NELL1: variants seen among roughly 807,000 people sequenced by gnomAD.
The protein encoded by NELL1 is neural EGFL like 1.
A neutral mutation model predicts 107.4 loss-of-function variants in NELL1; 76 were observed. That is an observed-to-expected ratio of 0.71 (90% CI 0.59 to 0.86). NELL1 has a LOEUF of 0.86. NELL1 is among the 40% of genes least tolerant of loss of function. The pLI, the probability that NELL1 is intolerant of heterozygous loss-of-function variation, is 0.00. For synonymous variants in NELL1, 353 were observed against 341.2 expected (o/e 1.03, Z -0.38); for missense variants, 1,024 against 1,005.5 (o/e 1.02, Z -0.25).
chr11:21,290,061 G>A (rs922349635), intron 14 of NELL1, among the ~76,000 whole-genome samples: 2 of 152,154 alleles, frequency 1.3e-5, no homozygotes, highest in Non-Finnish European at 2.9e-5. Flanking sequence ...ATCTGTGGGT[G>A]CAGCTTAAGC....
chr11:21,159,901 C>T lies in NELL1; in HGVS notation c.1426+46187C>T, dbSNP rs577196156. Among the ~76,000 whole-genome samples the T allele has an allele frequency of 1.6e-4, 25 of 152,330 alleles. 1 individual carries two copies. The South Asian group carries it at 5.0e-3, about 30-fold the overall frequency. On this transcript the variant is annotated intron_variant, in intron 13 of 19. Transcript: ENST00000357134. The stretch of plus-strand genomic sequence containing the variant: ...TCAGTTTTAGGATTCAGACCTTCTT[C>T]ATCTGTTCTATTTAGCTGTGACCAA...
chr11:20,954,437 A>G (rs2134206786), intron 11 of NELL1, among the ~76,000 whole-genome samples: 1 of 152,318 alleles, frequency 6.6e-6, no homozygotes, highest in South Asian at 2.1e-4. Flanking sequence ...CTTCTCTGAA[A>G]CACTATGACA....
chr11:20,948,093 A>C (rs1851000338), intron 11 of NELL1, among the ~76,000 whole-genome samples: 2 of 152,052 alleles, frequency 1.3e-5, no homozygotes, highest in Non-Finnish European at 2.9e-5. Flanking sequence ...CTCAGGCTGG[A>C]GAGCAGTGGT....
intron 3 of NELL1, among the ~76,000 whole-genome samples, chr11:20,825,777 T>TG (rs1857868023): frequency 6.6e-6 from 1 of 151,178 alleles, no homozygotes; most frequent in South Asian, 2.1e-4. Flanking sequence ...GTTAAGACTT[T>TG]GGGGAACTGT....
intron 2 of NELL1, among the ~76,000 whole-genome samples, chr11:20,726,555 A>G (rs1033164295): frequency 1.3e-5 from 2 of 152,176 alleles, no homozygotes; most frequent in Admixed American, 6.5e-5. Flanking sequence ...TTAAAAAAAA[A>G]ACACTCAATA....
chr11:20,793,147 A>C (rs1478946595), intron 3 of NELL1, among the ~76,000 whole-genome samples: 1 of 152,000 alleles, frequency 6.6e-6, no homozygotes, highest in African/African-American at 2.4e-5. Flanking sequence ...GTCTTGGGGA[A>C]GCTGGAAAAT....
chr11:21,046,755 T>C lies in NELL1; in HGVS notation c.1301-66834T>C, dbSNP rs182616178. 4.6e-4 allele frequency among the ~76,000 whole-genome samples: 70 copies of C among 151,936 alleles called. No individual in the cohort carries two copies. In the East Asian group the frequency reaches 0.013, roughly 29 times the overall value. On this transcript the variant is annotated intron_variant, in intron 12 of 19. Coordinates refer to ENST00000357134, the MANE Select transcript of NELL1 (RefSeq NM_006157.5). ...TCTCACTCTGTCACCCAGGCTGGAG[T>C]GCAGTGGTGTGGTGTGAATACAGCT...
At chr11:21,207,970 A>T (rs998742049) in intron 13 of NELL1, among the ~76,000 whole-genome samples, 1 of 152,204 alleles carries the variant, frequency 6.6e-6, no homozygotes, top group African/African-American at 2.4e-5. Flanking sequence ...TAAAAAGGTT[A>T]CAATAGTGAA....
At chr11:21,480,657 C>T (rs1215976527) in intron 15 of NELL1, among the ~76,000 whole-genome samples, 1 of 152,160 alleles carries the variant, frequency 6.6e-6, no homozygotes, top group Non-Finnish European at 1.5e-5. Flanking sequence ...ATTTAAGCTC[C>T]TCTGCATGTG....
At chr11:21,263,237 G>T (rs971820949) in intron 14 of NELL1, among the ~76,000 whole-genome samples, 1 of 151,778 alleles carries the variant, frequency 6.6e-6, no homozygotes. Flanking sequence ...TATGTTAGAA[G>T]CCTCCCTCAA....
chr11:21,338,076 A>G (rs1850477596), intron 14 of NELL1, among the ~76,000 whole-genome samples: 1 of 152,008 alleles, frequency 6.6e-6, no homozygotes, highest in Admixed American at 6.6e-5. Context: ...AGCAATATGT[A>G]AGAGTCAAAC....
chr11:21,485,551 T>G (rs142748925), intron 15 of NELL1, among the ~76,000 whole-genome samples: 1,551 of 151,256 alleles, frequency 0.01, 27 homozygotes, highest in African/African-American at 0.036. Context: ...ACATTCCAAG[T>G]ACAAATACTA....
intron 14 of NELL1, among the ~76,000 whole-genome samples, chr11:21,366,306 C>T (rs1361804671): frequency 1.3e-5 from 2 of 152,066 alleles, no homozygotes; most frequent in Admixed American, 6.5e-5. Flanking sequence ...CTGAAGTCAG[C>T]TCATTCTCAA....
intron 13 of NELL1, among the ~76,000 whole-genome samples, chr11:21,127,282 A>G (rs1316504676): frequency 2.0e-5 from 3 of 152,170 alleles, no homozygotes; most frequent in Middle Eastern, 3.2e-3. Flanking sequence ...CTATAGTAAC[A>G]TTAAGAAATT....
At chr11:21,059,079 A>G (rs1853675473) in intron 12 of NELL1, among the ~76,000 whole-genome samples, 1 of 152,142 alleles carries the variant, frequency 6.6e-6, no homozygotes, top group South Asian at 2.1e-4. Flanking sequence ...TACTGGGCAC[A>G]GGATGAATTG....
At chr11:20,902,780 A>G (rs1052609150) in intron 5 of NELL1, among the ~76,000 whole-genome samples, 1 of 152,142 alleles carries the variant, frequency 6.6e-6, no homozygotes, top group African/African-American at 2.4e-5. Context: ...AAACATAAAA[A>G]TCAGTGAAAT....
intron 12 of NELL1, among the ~76,000 whole-genome samples, chr11:21,063,686 G>C (rs1853799335): frequency 6.6e-6 from 1 of 152,194 alleles, no homozygotes; most frequent in African/African-American, 2.4e-5. Flanking sequence ...GAAAAGTGCA[G>C]TGTGAGAAGA....
intron 15 of NELL1, among the ~76,000 whole-genome samples, chr11:21,374,706 C>T (rs1463704404): frequency 2.0e-5 from 3 of 152,048 alleles, no homozygotes; most frequent in Non-Finnish European, 4.4e-5. Flanking sequence ...TTTTAAACTC[C>T]TTGCTTTGGA....
intron 3 of NELL1, among the ~76,000 whole-genome samples, chr11:20,817,774 T>G (rs1051286763): frequency 1.3e-5 from 2 of 151,930 alleles, no homozygotes; most frequent in Admixed American, 1.3e-4. Flanking sequence ...AGACATTTCC[T>G]CTTTATACTG....
Sources: gnomAD v4.1 joint callset for allele counts (sites outside exome capture counted in the v4.1 genomes callset) on GRCh38, gnomAD v4.1.1 for gene constraint, MANE v1.5 for transcripts, NCBI Gene and HGNC (gene_info 2026-07-23, HGNC 2026-07-21) for gene names.